Variants in PCDHA3 observed in about 807,000 individuals in gnomAD.
PCDHA3 encodes the protein protocadherin alpha-3.
In PCDHA3, 41 loss-of-function variants were observed where a neutral mutation model predicts 62.2. The ratio of observed to expected loss-of-function variants is 0.66; its 90% CI spans 0.51 to 0.86. PCDHA3 has a LOEUF of 0.86. PCDHA3 is among the 40% of genes least tolerant of loss of function. The pLI, the probability that PCDHA3 is intolerant of heterozygous loss-of-function variation, is 0.00. For missense variants in PCDHA3, 1,304 were observed against 1,241.2 expected, an observed-to-expected ratio of 1.05 and a Z score of -0.76; for synonymous variants, 640 against 555.4, an observed-to-expected ratio of 1.15 and a Z score of -2.14.
intron 2 of PCDHA3, among the ~76,000 whole-genome samples, chr5:140,979,495 G>A (rs1405180713): frequency 6.6e-6 from 1 of 151,840 alleles, no homozygotes; most frequent in Non-Finnish European, 1.5e-5. Context: ...ACCTATTAGA[G>A]CCTCCTCATC....
chr5:140,884,304 C>T (rs1562802468), intron 1 of PCDHA3: 1 of 1,613,710 alleles, frequency 6.2e-7, no homozygotes, highest in East Asian at 2.2e-5. Context: ...CCACAGGCTT[C>T]GTCGAGGGCG....
intron 1 of PCDHA3, chr5:140,876,998 C>T: frequency 6.2e-7 from 1 of 1,612,502 alleles, no homozygotes; most frequent in South Asian, 1.1e-5. Flanking sequence ...AGCTACGTGT[C>T]GGTGCACGCG....
Position 140,870,644 on chromosome 5 carries a change from G to A in PCDHA3, c.2394+67053G>A, listed in dbSNP as rs782672271. ...TACGTGTCGGTGCACGCGGAGAGCG[G>A]CAAGGTGTACGCGCTGCAGCCGTTG... is the stretch of plus-strand genomic sequence containing the variant. On this transcript the variant is annotated intron_variant, in intron 1 of 3. Transcript: ENST00000522353. 8.7e-6 allele frequency: 14 copies of A among 1,612,768 alleles called. No homozygotes were observed. In the South Asian group the frequency reaches 1.4e-4, roughly 16 times the overall value.
intron 1 of PCDHA3, chr5:140,824,859 A>G (rs1768373145): frequency 1.3e-5 from 2 of 152,032 alleles, no homozygotes; most frequent in African/African-American, 4.8e-5. Flanking sequence ...TTTGTTTTCA[A>G]TTGTATTTTT....
intron 1 of PCDHA3, chr5:140,813,185 C>T (rs2126644563): frequency 6.6e-6 from 1 of 152,272 alleles, no homozygotes; most frequent in Middle Eastern, 3.4e-3. Context: ...AAGTCCTCTG[C>T]TTCCTTGCTG....
intron 1 of PCDHA3, chr5:140,834,733 T>A: frequency 6.2e-7 from 1 of 1,614,226 alleles, no homozygotes; most frequent in Admixed American, 1.7e-5. Context: ...CTGCAGGTTT[T>A]CCATGTGGAC....
chr5:141,000,765 G>T (rs1554257794), intron 3 of PCDHA3, among the ~76,000 whole-genome samples: 9 of 151,816 alleles, frequency 5.9e-5, no homozygotes, highest in Non-Finnish European at 2.9e-5. Context: ...ATCTTAGCCA[G>T]GCATAGTGGC....
In PCDHA3 at chr5:140,946,774, T is replaced by G. The variant is rs57013515; in HGVS notation, c.2395-32175T>G. On this transcript the variant is annotated intron_variant, in intron 1 of 3. Coordinates refer to ENST00000522353, the MANE Select transcript of PCDHA3 (RefSeq NM_018906.3). ...TGCATGATCTCATTCATGTGGAATGTAAAAAAGCTGATCTTATAGAAGCAG... is the reference window on the plus strand; with the variant it reads ...TGCATGATCTCATTCATGTGGAATGGAAAAAAGCTGATCTTATAGAAGCAG... Among the ~76,000 whole-genome samples, 481 of 151,404 alleles carry G rather than the reference T, an allele frequency of 3.2e-3. 2 individuals are homozygous for G. Among genetic ancestry groups the G allele is most frequent in the African/African-American group, 0.011 (462 of 41,264 alleles).
chr5:140,898,148 A>C lies in PCDHA3; in HGVS notation c.2395-80801A>C, dbSNP rs532668918. On this transcript the variant is annotated intron_variant, in intron 1 of 3. Coordinates refer to ENST00000522353, the MANE Select transcript of PCDHA3 (RefSeq NM_018906.3). ...CTCCCATTTTGTAGGTTGCCTGTTC[A>C]CGCTGATGGTGGTTTCTTTTGCTGT... Among the ~76,000 whole-genome samples, 1,044 of 152,230 alleles carry C rather than the reference A, an allele frequency of 6.9e-3. 8 individuals are homozygous for C. The highest frequency in any genetic ancestry group is 0.024 in the African/African-American group (1,010 of 41,492).
intron 1 of PCDHA3, among the ~76,000 whole-genome samples, chr5:140,855,657 G>A (rs2043553278): frequency 6.7e-6 from 1 of 149,788 alleles, no homozygotes; most frequent in African/African-American, 2.5e-5. Context: ...GGTTAGGGAA[G>A]AAATCACTAC....
At chr5:140,927,095 TG>T in intron 1 of PCDHA3, 1 of 1,612,210 alleles carries the variant, frequency 6.2e-7, no homozygotes, top group Non-Finnish European at 8.5e-7. Flanking sequence ...TACTTCGGGG[TG>T]GATCTACCCA....
Position 140,858,345 on chromosome 5 carries a change from A to G in PCDHA3, c.2394+54754A>G, listed in dbSNP as rs782668038. 4 of 1,594,626 alleles carry G rather than the reference A, an allele frequency of 2.5e-6. 1 individual carries two copies. The African/African-American group carries it at 5.4e-5, about 21-fold the overall frequency. On this transcript the variant is annotated intron_variant, in intron 1 of 3. Coordinates refer to ENST00000522353, the MANE Select transcript of PCDHA3 (RefSeq NM_018906.3). ...TCTGGGGAGGGCCTGCCCAAGGCGGACCTCATGGCCTTCAGCCCCAGCCTT... is the reference window on the plus strand; with the variant it reads ...TCTGGGGAGGGCCTGCCCAAGGCGGGCCTCATGGCCTTCAGCCCCAGCCTT...
At chr5:140,872,589 C>T (rs1242242642) in intron 1 of PCDHA3, among the ~76,000 whole-genome samples, 1 of 151,922 alleles carries the variant, frequency 6.6e-6, no homozygotes, top group African/African-American at 2.4e-5. Flanking sequence ...ATCGTGAGAC[C>T]CCCATCTGAA....
intron 1 of PCDHA3, among the ~76,000 whole-genome samples, chr5:140,893,580 G>C (rs555518122): frequency 1.5e-4 from 23 of 152,268 alleles, no homozygotes; most frequent in East Asian, 1.2e-3. Flanking sequence ...GTTTTTGCTT[G>C]TTTGGGAAAT....
intron 1 of PCDHA3, among the ~76,000 whole-genome samples, chr5:140,941,460 C>T (rs530075226): frequency 4.6e-4 from 69 of 151,184 alleles, no homozygotes; most frequent in African/African-American, 1.6e-3. Context: ...GGATTACAGG[C>T]GCCCACCACC....
At chr5:141,004,367 T>C (rs1281168288) in intron 3 of PCDHA3, among the ~76,000 whole-genome samples, 5 of 152,198 alleles carry the variant, frequency 3.3e-5, no homozygotes, top group Non-Finnish European at 5.9e-5. Context: ...CCACACCTTG[T>C]TCTGCTCTGC....
At chr5:140,970,252 T>G (rs2096392828) in intron 1 of PCDHA3, among the ~76,000 whole-genome samples, 1 of 152,234 alleles carries the variant, frequency 6.6e-6, no homozygotes, top group South Asian at 2.1e-4. Flanking sequence ...GTTGACAGTT[T>G]CTATGGTTTT....
At chr5:140,844,958 C>T (rs1211127750) in intron 1 of PCDHA3, among the ~76,000 whole-genome samples, 1 of 149,184 alleles carries the variant, frequency 6.7e-6, no homozygotes, top group Non-Finnish European at 1.5e-5. Context: ...TGAATTCTTA[C>T]AGTTTGTTAT....
At chr5:141,005,939 C>A (rs1183397075) in intron 3 of PCDHA3, among the ~76,000 whole-genome samples, 2 of 151,786 alleles carry the variant, frequency 1.3e-5, no homozygotes, top group Non-Finnish European at 2.9e-5. Flanking sequence ...AGAGTGAGAA[C>A]CTATCTCTAA....
Sources: allele counts gnomAD v4.1 joint callset (sites outside exome capture counted in the v4.1 genomes callset), GRCh38; gene constraint gnomAD v4.1.1; transcripts MANE v1.5; gene names NCBI Gene and HGNC (gene_info 2026-07-23, HGNC 2026-07-21).